The following SPATS2L variants were observed in gnomAD, a reference collection of about 807,000 sequenced individuals.
SPATS2L encodes the protein SPATS2-like protein.
Under a neutral mutation model 59.6 loss-of-function variants are expected in SPATS2L, and 30 were observed. The ratio of observed to expected loss-of-function variants is 0.50; its 90% CI spans 0.38 to 0.68. SPATS2L has a LOEUF of 0.68. Among genes scored for constraint, SPATS2L ranks in the 30% least tolerant of loss-of-function variants. SPATS2L has a pLI of 0.00. For missense variants in SPATS2L, 615 were observed against 700.0 expected (o/e 0.88, Z 1.37); for synonymous variants, 252 against 263.5 (o/e 0.96, Z 0.42).
At chr2:200,333,052 TG>T (rs2080004822) in intron 2 of SPATS2L, among the ~76,000 whole-genome samples, 2 of 151,786 alleles carry the variant, frequency 1.3e-5, no homozygotes, top group Admixed American at 6.6e-5. Flanking sequence ...AGGCCAAGGC[TG>T]GGGGGTTGTT....
intron 6 of SPATS2L, among the ~76,000 whole-genome samples, chr2:200,430,629 G>A (rs573603067): frequency 2.0e-3 from 307 of 151,426 alleles, no homozygotes; most frequent in Middle Eastern, 3.4e-3. Flanking sequence ...CTTTAAAAAC[G>A]TGATTTAAAT....
At chr2:200,468,381 C>CA (rs377707744) in intron 10 of SPATS2L, among the ~76,000 whole-genome samples, 2 of 149,840 alleles carry the variant, frequency 1.3e-5, no homozygotes, top group South Asian at 2.1e-4. Context: ...CACACACACG[C>CA]CTTCCAGCTT....
intron 3 of SPATS2L, among the ~76,000 whole-genome samples, chr2:200,399,472 G>A (rs894084020): frequency 5.9e-5 from 9 of 152,138 alleles, no homozygotes; most frequent in Non-Finnish European, 1.2e-4. Context: ...CTCATCTTCC[G>A]ATGGACAATT....
rs2085457297 is a variant in SPATS2L, at chr2:200,451,719, A to G, written c.789-8050A>G. Among the ~76,000 whole-genome samples the G allele has an allele frequency of 2.0e-5, 3 of 152,138 alleles. No individual in the cohort carries two copies. The South Asian group carries it at 6.2e-4, about 32-fold the overall frequency. On this transcript the variant is annotated intron_variant, in intron 8 of 12. Coordinates refer to ENST00000409140, the MANE Select transcript of SPATS2L (RefSeq NM_001100423.2). ...TTGAATGTGGGCCAGCATTTCTGGCACTTCTTGTACTATATCAGTTTCTTC... is the reference window on the plus strand; with the variant it reads ...TTGAATGTGGGCCAGCATTTCTGGCGCTTCTTGTACTATATCAGTTTCTTC...
At chr2:200,465,552 C>G (rs2086530325) in intron 9 of SPATS2L, among the ~76,000 whole-genome samples, 2 of 152,146 alleles carry the variant, frequency 1.3e-5, no homozygotes, top group Admixed American at 1.3e-4. Flanking sequence ...TCACTAGCTC[C>G]TCTGTATTCA....
Position 200,306,751 on chromosome 2 carries a change from AGCG to A in SPATS2L, c.-243_-241del, listed in dbSNP as rs1317028080. On this transcript the variant is annotated 5_prime_UTR_variant, in exon 1 of 13. Coordinates refer to ENST00000409140, the MANE Select transcript of SPATS2L (RefSeq NM_001100423.2). ...CGAGCTGGCTGCGCCCTCCGCTGCA[AGCG>A]CCGGCAGCGCGGGGCGAGCTCCGGA... The A allele has an allele frequency of 1.0e-6, 1 of 978,222 alleles. No homozygotes were observed. 60.6% of individuals were successfully genotyped at this position (978,222 alleles called of 1,614,324 possible).
At chr2:200,305,953 C>A, upstream of SPATS2L, 1 of 704,510 alleles carries the variant, frequency 1.4e-6, no homozygotes, top group Non-Finnish European at 1.7e-6. Flanking sequence ...GATTGAGAAA[C>A]TGCTTTTACT....
intron 1 of SPATS2L, among the ~76,000 whole-genome samples, chr2:200,317,329 G>A (rs1038614749): frequency 6.6e-6 from 1 of 152,198 alleles, no homozygotes; most frequent in Non-Finnish European, 1.5e-5. Context: ...CATGTATGAA[G>A]CAAAGTGAGT....
At chr2:200,388,650 C>A (rs2082073496) in intron 2 of SPATS2L, among the ~76,000 whole-genome samples, 2 of 135,434 alleles carry the variant, frequency 1.5e-5, no homozygotes, top group Admixed American at 7.4e-5. Flanking sequence ...AGGAAAGGAA[C>A]AACCCTGCAA....
At chr2:200,385,933 T>C (rs920728150) in intron 2 of SPATS2L, among the ~76,000 whole-genome samples, 34 of 152,304 alleles carry the variant, frequency 2.2e-4, no homozygotes, top group African/African-American at 8.2e-4. Flanking sequence ...GACCTCGTGA[T>C]CCGCCCACCT....
intron 3 of SPATS2L, among the ~76,000 whole-genome samples, chr2:200,402,851 T>C (rs1410320153): frequency 3.3e-5 from 5 of 152,178 alleles, no homozygotes; most frequent in East Asian, 1.9e-4. Flanking sequence ...ATCTAAGATA[T>C]AGAGGATGTC....
chr2:200,323,511 G>T (rs1377796525), intron 1 of SPATS2L, among the ~76,000 whole-genome samples: 2 of 152,120 alleles, frequency 1.3e-5, no homozygotes, highest in African/African-American at 4.8e-5. Context: ...TATAACTCCT[G>T]GGGCTAACCT....
chr2:200,404,570 G>A (rs1045102533), intron 3 of SPATS2L, among the ~76,000 whole-genome samples: 4 of 152,166 alleles, frequency 2.6e-5, no homozygotes, highest in African/African-American at 7.2e-5. Flanking sequence ...GTGGGATAGG[G>A]AAAGACATCT....
Position 200,404,563 on chromosome 2 carries a change from G to A in SPATS2L, c.40-7748G>A, listed in dbSNP as rs186048233. 2.0e-5 allele frequency among the ~76,000 whole-genome samples: 3 copies of A among 152,232 alleles called. No homozygotes were observed. In the East Asian group the frequency reaches 5.8e-4, roughly 29 times the overall value. ...TTTTTTTAAAAGGTAATAGTTGGTG[G>A]GATAGGGAAAGACATCTCCTTATAA... On this transcript the variant is annotated intron_variant, in intron 3 of 12. Coordinates refer to ENST00000409140, the MANE Select transcript of SPATS2L (RefSeq NM_001100423.2).
chr2:200,370,060 G>A (rs991459777), intron 2 of SPATS2L, among the ~76,000 whole-genome samples: 3 of 152,194 alleles, frequency 2.0e-5, no homozygotes, highest in African/African-American at 7.2e-5. Flanking sequence ...GGGGCCACCT[G>A]GCCGGGATTG....
chr2:200,443,820 CA>C (rs2106119316), intron 8 of SPATS2L, among the ~76,000 whole-genome samples: 1 of 152,248 alleles, frequency 6.6e-6, no homozygotes, highest in East Asian at 1.9e-4. Flanking sequence ...TCCTCAATAC[CA>C]AGCAAGCACA....
chr2:200,425,058 C>T lies in SPATS2L; in HGVS notation c.445+5562C>T, dbSNP rs1323750931. The stretch of plus-strand genomic sequence containing the variant: ...CGCAGCACCTGCGCAGAGCTGCTTT[C>T]TCATCCTCAAGTGAACTGAACCAAA... On this transcript the variant is annotated intron_variant, in intron 6 of 12. Coordinates refer to ENST00000409140, the MANE Select transcript of SPATS2L (RefSeq NM_001100423.2). Among the ~76,000 whole-genome samples the T allele has an allele frequency of 2.7e-5, 4 of 147,078 alleles. No individual in the cohort carries two copies. In the East Asian group the frequency reaches 8.3e-4, roughly 31 times the overall value.
chr2:200,306,982 G>A, intron 1 of SPATS2L, 60 bp downstream of exon 1: 1 of 982,738 alleles, frequency 1.0e-6, no homozygotes, highest in Non-Finnish European at 1.2e-6. Context: ...GGGCGGACGC[G>A]GAGGGGCCTG....
rs569481794 is a variant in SPATS2L at position 200,346,545 on chromosome 2, T to C, written c.-23+17065T>C. ...TATTTCTCTTGGTCCAATAAACTATTGTTTTTTTGTTTATCTTCCTTTTCT... is the reference window on the plus strand; with the variant it reads ...TATTTCTCTTGGTCCAATAAACTATCGTTTTTTTGTTTATCTTCCTTTTCT... On this transcript the variant is annotated intron_variant, in intron 2 of 12. Transcript: ENST00000409140. 3.3e-5 allele frequency among the ~76,000 whole-genome samples: 5 copies of C among 152,334 alleles called. No homozygotes were observed. The South Asian group carries it at 1.0e-3, about 32-fold the overall frequency.
Sources: allele counts gnomAD v4.1 joint callset (sites outside exome capture counted in the v4.1 genomes callset), GRCh38; gene constraint gnomAD v4.1.1; transcripts MANE v1.5; gene names NCBI Gene and HGNC (gene_info 2026-07-23, HGNC 2026-07-21).